The following MEF2C variants were observed in gnomAD, a reference collection of about 807,000 sequenced individuals.
MEF2C encodes the protein myocyte enhancer factor 2C.
A neutral mutation model predicts 50.5 loss-of-function variants in MEF2C; 6 were observed. That is an observed-to-expected ratio of 0.12 (90% CI 0.07 to 0.23). MEF2C has a LOEUF of 0.23. Ranked by LOEUF, MEF2C falls within the 10% of genes least tolerant of loss-of-function variation. The pLI is 1.00. For missense variants in MEF2C, 276 were observed against 605.0 expected (o/e 0.46, Z 5.70); for synonymous variants, 183 against 228.0 (o/e 0.80, Z 1.78).
intron 5 of MEF2C, 130 bp downstream of exon 5, chr5:88,751,727 G>C: frequency 2.6e-6 from 3 of 1,138,444 alleles, no homozygotes; most frequent in Non-Finnish European, 1.3e-6. Flanking sequence ...CTAGCTCGGG[G>C]GTGGATGGTA....
At chr5:88,882,468 G>A (rs1393737541) in intron 1 of MEF2C, among the ~76,000 whole-genome samples, 1 of 152,172 alleles carries the variant, frequency 6.6e-6, no homozygotes, top group Non-Finnish European at 1.5e-5. Context: ...CATGCTTTAG[G>A]TCAAACTAAT....
At chr5:88,779,892 C>T (rs1314540430) in intron 3 of MEF2C, among the ~76,000 whole-genome samples, 1 of 151,752 alleles carries the variant, frequency 6.6e-6, no homozygotes, top group Non-Finnish European at 1.5e-5. Context: ...CGCCTATAAT[C>T]CCAGCACTTT....
intron 3 of MEF2C, among the ~76,000 whole-genome samples, chr5:88,795,801 T>C (rs1020627990): frequency 6.6e-6 from 1 of 152,250 alleles, no homozygotes; most frequent in East Asian, 1.9e-4. Context: ...CTTATTATTT[T>C]GAGATACATT....
rs185608147 is a variant in MEF2C, at chr5:88,804,846, C to T, written c.55-45G>A. The T allele has an allele frequency of 1.2e-3, 1,841 of 1,509,394 alleles. 28 individuals are homozygous for T. The Admixed American group carries it at 0.03, about 25-fold the overall frequency. The allele number at this position is 1,509,394 out of a possible 1,614,324, so 93.5% of individuals were successfully genotyped here. On this transcript the variant is annotated intron_variant, in intron 2 of 10. Transcript: ENST00000504921. The stretch of plus-strand genomic sequence containing the variant: ...CAAGATTTTTTAAAAAATATTCATG[C>T]ATGTGTGGTTTTTTTCTTTTCTTTT...
Position 88,772,962 on chromosome 5 carries a change from C to A in MEF2C, c.259-11634G>T, listed in dbSNP as rs942881623. ...AGAGACTGCCATTGACAACTGTTAA[C>A]ACATACTGCTCAATACCCATATTGT... On this transcript the variant is annotated intron_variant, in intron 3 of 10. Coordinates refer to ENST00000504921, the MANE Select transcript of MEF2C (RefSeq NM_002397.5). 1.4e-5 allele frequency: 13 copies of A among 932,492 alleles called. No individual in the cohort carries two copies. The Admixed American group carries it at 3.7e-4, about 27-fold the overall frequency. 57.8% of individuals were successfully genotyped at this position (932,492 alleles called of 1,614,324 possible).
intron 6 of MEF2C, chr5:88,741,327 C>G: frequency 1.0e-6 from 1 of 982,712 alleles, no homozygotes; most frequent in Non-Finnish European, 1.2e-6. Flanking sequence ...GTGCTAGACC[C>G]CTTGCATCAG....
At chr5:88,763,177 T>C (rs956934793) in intron 3 of MEF2C, among the ~76,000 whole-genome samples, 1 of 152,154 alleles carries the variant, frequency 6.6e-6, no homozygotes, top group African/African-American at 2.4e-5. Flanking sequence ...TGTGGTAAAA[T>C]GTTTGAATAT....
intron 1 of MEF2C, among the ~76,000 whole-genome samples, chr5:88,846,708 C>CT (rs1246777960): frequency 6.6e-6 from 1 of 152,144 alleles, no homozygotes; most frequent in Non-Finnish European, 1.5e-5. Context: ...CTGCCTTCTT[C>CT]TTTTTTCTAC....
intron 3 of MEF2C, among the ~76,000 whole-genome samples, chr5:88,794,457 C>A (rs1282224318): frequency 6.6e-6 from 1 of 152,138 alleles, no homozygotes; most frequent in African/African-American, 2.4e-5. Context: ...TGAGAGGTGT[C>A]TGTTCATATC....
chr5:88,726,270 T>C (rs1758682686), intron 10 of MEF2C, among the ~76,000 whole-genome samples: 1 of 152,150 alleles, frequency 6.6e-6, no homozygotes, highest in Admixed American at 6.5e-5. Flanking sequence ...GCCAAAAGAA[T>C]GTGAGCCCGC....
chr5:88,798,792 T>A (rs577582925), intron 3 of MEF2C, among the ~76,000 whole-genome samples: 23 of 152,320 alleles, frequency 1.5e-4, no homozygotes, highest in Non-Finnish European at 2.5e-4. Context: ...CTACCTTTGG[T>A]CTTTGATGCT....
At chr5:88,734,565 G>GTTTGTTTT (rs1763130990) in intron 6 of MEF2C, 233 of 541,496 alleles carry the variant, frequency 4.3e-4, no homozygotes, top group Middle Eastern at 1.2e-3. Flanking sequence ...AGAAAAGTTT[G>GTTTGTTTT]TTTTTTTTTT....
chr5:88,776,547 G>A (rs1460853623), intron 3 of MEF2C, among the ~76,000 whole-genome samples: 5 of 151,828 alleles, frequency 3.3e-5, no homozygotes, highest in East Asian at 1.9e-4. Context: ...TCCAGTAACC[G>A]TCATTCTACT....
intron 1 of MEF2C, among the ~76,000 whole-genome samples, chr5:88,866,071 AT>A (rs1240895633): frequency 2.6e-5 from 4 of 151,640 alleles, no homozygotes; most frequent in Non-Finnish European, 4.4e-5. Context: ...AATTTTTTGT[AT>A]TTTTTAGTAG....
chr5:88,821,614 G>A (rs1485370439), intron 2 of MEF2C, among the ~76,000 whole-genome samples: 1 of 151,760 alleles, frequency 6.6e-6, no homozygotes, highest in Non-Finnish European at 1.5e-5. Flanking sequence ...GAAACTAACT[G>A]GAGGACATTA....
intron 3 of MEF2C, among the ~76,000 whole-genome samples, chr5:88,777,768 C>T (rs1785519682): frequency 1.3e-5 from 2 of 151,770 alleles, no homozygotes; most frequent in Admixed American, 1.3e-4. Context: ...AGGCCCTTCA[C>T]CAATATGTAG....
upstream of MEF2C, among the ~76,000 whole-genome samples, chr5:88,885,844 T>G (rs1262347008): frequency 1.3e-5 from 2 of 152,214 alleles, no homozygotes; most frequent in African/African-American, 4.8e-5. Context: ...AGCCCTGCTG[T>G]TTTTAATGAA....
chr5:88,762,125 C>T (rs1778151652), intron 3 of MEF2C, among the ~76,000 whole-genome samples: 1 of 152,180 alleles, frequency 6.6e-6, no homozygotes. Flanking sequence ...AGGAATCACC[C>T]TGAGACTGAC....
At chr5:88,899,216 T>C (rs930256050) in intron 1 of MEF2C, among the ~76,000 whole-genome samples, 1 of 152,102 alleles carries the variant, frequency 6.6e-6, no homozygotes, top group African/African-American at 2.4e-5. Flanking sequence ...CTGGAGTATA[T>C]TGCAAAGTGA....
Sources: gnomAD v4.1 joint callset for allele counts (sites outside exome capture counted in the v4.1 genomes callset) on GRCh38, gnomAD v4.1.1 for gene constraint, MANE v1.5 for transcripts, NCBI Gene and HGNC (gene_info 2026-07-23, HGNC 2026-07-21) for gene names.